The following VPS13B variants were observed in gnomAD, a reference collection of about 807,000 sequenced individuals.
VPS13B encodes vacuolar protein sorting 13 homolog B.
Under a neutral mutation model 426.4 loss-of-function variants are expected in VPS13B, and 285 were observed. That is an observed-to-expected ratio of 0.67 (90% CI 0.61 to 0.74). VPS13B has a LOEUF of 0.74. Among genes scored for constraint, VPS13B ranks in the 30% least tolerant of loss-of-function variants. The probability of loss-of-function intolerance (pLI) is 0.00; values close to 1 mark genes in which losing one functional copy is unlikely to be tolerated. For synonymous variants in VPS13B, 1,676 were observed against 1,676.4 expected (o/e 1.00, Z 0.01); for missense variants, 4,537 against 4,782.6 (o/e 0.95, Z 1.51).
At chr8:99,168,540 A>ACTGTT in intron 15 of VPS13B, among the ~76,000 whole-genome samples, 2 of 152,202 alleles carry the variant, frequency 1.3e-5, no homozygotes, top group Admixed American at 1.3e-4. Flanking sequence ...GTATTGTTAT[A>ACTGTT]ATAATAACTG....
intron 44 of VPS13B, among the ~76,000 whole-genome samples, chr8:99,814,421 C>G (rs1491003154): frequency 6.6e-6 from 1 of 152,152 alleles, no homozygotes; most frequent in Non-Finnish European, 1.5e-5. Flanking sequence ...GTATTTGCTT[C>G]TCTGTCATCC....
intron 61 of VPS13B, chr8:99,873,436 C>A (rs141797076): frequency 6.6e-6 from 1 of 152,248 alleles, no homozygotes; most frequent in East Asian, 1.9e-4. Flanking sequence ...CACTGATTTT[C>A]CACTGCTGTC....
chr8:99,432,471 A>G (rs1048462948), intron 22 of VPS13B, among the ~76,000 whole-genome samples: 4 of 152,180 alleles, frequency 2.6e-5, no homozygotes, highest in African/African-American at 7.2e-5. Context: ...TGACATTACC[A>G]TAACAGCAGG....
chr8:99,614,719 T>A (rs767121412), intron 33 of VPS13B, among the ~76,000 whole-genome samples: 1 of 152,242 alleles, frequency 6.6e-6, no homozygotes, highest in Admixed American at 6.5e-5. Context: ...AACAGAACTT[T>A]ATGCTTTCAT....
chr8:99,520,863 C>A, intron 29 of VPS13B, 36 bp from the exon 30 acceptor site: 2 of 1,547,524 alleles, frequency 1.3e-6, no homozygotes, highest in Non-Finnish European at 1.8e-6. Flanking sequence ...TGTACAGATC[C>A]ACAGTGTATT....
intron 29 of VPS13B, among the ~76,000 whole-genome samples, chr8:99,515,599 G>A (rs1371255471): frequency 1.3e-5 from 2 of 151,828 alleles, no homozygotes. Flanking sequence ...AATTTCTTTT[G>A]TTTTTCTGTG....
At chr8:99,074,781 G>A (rs1845031727) in intron 3 of VPS13B, among the ~76,000 whole-genome samples, 1 of 151,932 alleles carries the variant, frequency 6.6e-6, no homozygotes, top group Non-Finnish European at 1.5e-5. Context: ...GACTACAGGT[G>A]TGTGCCACCA....
chr8:99,417,510 T>C (rs1816089356), intron 21 of VPS13B, among the ~76,000 whole-genome samples: 1 of 152,214 alleles, frequency 6.6e-6, no homozygotes, highest in South Asian at 2.1e-4. Context: ...ATATGCTATC[T>C]GGAAGTGCTT....
At chr8:99,055,785 A>G (rs1229209196) in intron 3 of VPS13B, among the ~76,000 whole-genome samples, 1 of 152,078 alleles carries the variant, frequency 6.6e-6, no homozygotes, top group African/African-American at 2.4e-5. Context: ...GCTGCAGTGC[A>G]GTGATGTGAT....
intron 33 of VPS13B, among the ~76,000 whole-genome samples, chr8:99,592,668 A>G (rs1282497064): frequency 6.6e-6 from 1 of 152,174 alleles, no homozygotes; most frequent in South Asian, 2.1e-4. Flanking sequence ...AAACTATGCT[A>G]TAAGGCTACA....
At chr8:99,356,405 T>A (rs1283182419) in intron 19 of VPS13B, among the ~76,000 whole-genome samples, 1 of 152,166 alleles carries the variant, frequency 6.6e-6, no homozygotes. Context: ...GTTAGCACTT[T>A]GGGAGGCCCA....
chr8:99,126,408 T>C (rs1471134363), intron 8 of VPS13B, among the ~76,000 whole-genome samples: 1 of 152,194 alleles, frequency 6.6e-6, no homozygotes, highest in Non-Finnish European at 1.5e-5. Flanking sequence ...TTTGAAGATA[T>C]ACCAGTCATT....
At chr8:99,362,352 C>T (rs1006996862) in intron 19 of VPS13B, among the ~76,000 whole-genome samples, 5 of 151,934 alleles carry the variant, frequency 3.3e-5, no homozygotes, top group African/African-American at 1.2e-4. Flanking sequence ...CTGTGTTAGC[C>T]AGGATGGTCT....
intron 39 of VPS13B, among the ~76,000 whole-genome samples, chr8:99,749,574 AT>A (rs770567380): frequency 6.6e-6 from 1 of 151,972 alleles, no homozygotes; most frequent in African/African-American, 2.4e-5. Context: ...ACAGGATTTC[AT>A]TCTTTTTTAT....
intron 24 of VPS13B, among the ~76,000 whole-genome samples, chr8:99,478,386 A>AC (rs1289468159): frequency 8.3e-6 from 1 of 120,466 alleles, no homozygotes; most frequent in Non-Finnish European, 1.7e-5. Context: ...CCACTCACCC[A>AC]TTTTTTATTT....
At chr8:99,449,593 A>G (rs951807699) in intron 23 of VPS13B, among the ~76,000 whole-genome samples, 1 of 152,118 alleles carries the variant, frequency 6.6e-6, no homozygotes, top group African/African-American at 2.4e-5. Context: ...GGAAGGAATA[A>G]TTTGTGATGG....
At chr8:99,019,073 T>C (rs1385826790) in intron 2 of VPS13B, among the ~76,000 whole-genome samples, 1 of 152,156 alleles carries the variant, frequency 6.6e-6, no homozygotes, top group Non-Finnish European at 1.5e-5. Flanking sequence ...TATATATATA[T>C]TGGCCTTATT....
intron 17 of VPS13B, among the ~76,000 whole-genome samples, chr8:99,217,836 T>A (rs1815472469): frequency 6.6e-6 from 1 of 152,220 alleles, no homozygotes; most frequent in Non-Finnish European, 1.5e-5. Context: ...TTTGTTTACT[T>A]ATTATCTATG....
At chr8:99,222,793 A>AT (rs1815799625) in intron 17 of VPS13B, among the ~76,000 whole-genome samples, 1 of 152,186 alleles carries the variant, frequency 6.6e-6, no homozygotes, top group African/African-American at 2.4e-5. Flanking sequence ...CATATTATAA[A>AT]GTGCTCATTA....
Sources: allele counts gnomAD v4.1 joint callset (sites outside exome capture counted in the v4.1 genomes callset), GRCh38; gene constraint gnomAD v4.1.1; transcripts MANE v1.5; gene names NCBI Gene and HGNC (gene_info 2026-07-23, HGNC 2026-07-21).